The following TENM4 variants were observed in gnomAD, a reference collection of about 807,000 sequenced individuals.
TENM4 encodes the protein teneurin-4.
A neutral mutation model predicts 243.3 loss-of-function variants in TENM4; 82 were observed. The observed-to-expected ratio is 0.34, with a 90% CI of 0.28 to 0.40. The LOEUF (loss-of-function observed/expected upper bound fraction) is 0.40, where lower values mean the gene tolerates loss of function less well. TENM4 is among the 10% of genes least tolerant of loss of function. The pLI is 1.00. For missense variants in TENM4, 3,138 were observed against 3,673.3 expected, an observed-to-expected ratio of 0.85 and a Z score of 3.77; for synonymous variants, 1,412 against 1,456.3, an observed-to-expected ratio of 0.97 and a Z score of 0.69.
intron 11 of TENM4, among the ~76,000 whole-genome samples, chr11:78,855,208 ATCTG>A (rs956106291): frequency 6.6e-6 from 1 of 152,186 alleles, no homozygotes; most frequent in Non-Finnish European, 1.5e-5. Flanking sequence ...TAGCAAACAT[ATCTG>A]TCTTTTAGCT....
intron 6 of TENM4, among the ~76,000 whole-genome samples, chr11:79,033,138 A>G (rs948901033): frequency 3.9e-5 from 6 of 152,064 alleles, no homozygotes; most frequent in African/African-American, 1.4e-4. Flanking sequence ...CCTACTAGAT[A>G]TCTATGCAAA....
chr11:79,153,454 G>A (rs1388816068), intron 3 of TENM4, among the ~76,000 whole-genome samples: 1 of 152,074 alleles, frequency 6.6e-6, no homozygotes, highest in Non-Finnish European at 1.5e-5. Context: ...TGTCTGGGCA[G>A]AGGCAAGTCA....
intron 2 of TENM4, among the ~76,000 whole-genome samples, chr11:79,241,418 C>T (rs1864586823): frequency 1.3e-5 from 2 of 152,002 alleles, no homozygotes; most frequent in Admixed American, 1.3e-4. Flanking sequence ...GCCTGCATGG[C>T]TGGCTTTTAA....
chr11:79,304,804 C>A (rs187607892), intron 1 of TENM4, among the ~76,000 whole-genome samples: 1 of 152,314 alleles, frequency 6.6e-6, no homozygotes, highest in African/African-American at 2.4e-5. Flanking sequence ...GCTGCAGGTG[C>A]TCCCCAGCTG....
At chr11:79,278,757 A>C (rs922081866) in intron 2 of TENM4, among the ~76,000 whole-genome samples, 13 of 152,164 alleles carry the variant, frequency 8.5e-5, no homozygotes, top group African/African-American at 3.1e-4. Flanking sequence ...GAATTCTCAG[A>C]GCTTGCGGCT....
At chr11:78,667,246 A>T (rs982126392) in intron 32 of TENM4, among the ~76,000 whole-genome samples, 1 of 152,066 alleles carries the variant, frequency 6.6e-6, no homozygotes, top group Non-Finnish European at 1.5e-5. Context: ...TATGCTTGGG[A>T]TGCTATTCTC....
intron 28 of TENM4, among the ~76,000 whole-genome samples, chr11:78,688,758 C>A (rs1392366191): frequency 1.6e-5 from 2 of 122,450 alleles, no homozygotes; most frequent in African/African-American, 9.4e-5. Context: ...ATTCTGAATT[C>A]AAACCAGGAC....
At chr11:79,011,992 G>A (rs1402584666) in intron 6 of TENM4, among the ~76,000 whole-genome samples, 1 of 152,104 alleles carries the variant, frequency 6.6e-6, no homozygotes, top group Non-Finnish European at 1.5e-5. Context: ...GCATCTTTAT[G>A]TAAAAGTTGG....
intron 3 of TENM4, among the ~76,000 whole-genome samples, chr11:79,172,293 AG>A (rs1863062452): frequency 6.6e-6 from 1 of 152,112 alleles, no homozygotes; most frequent in South Asian, 2.1e-4. Flanking sequence ...GATGTAAACC[AG>A]GGCTGTCCTA....
At chr11:78,727,842 C>T (rs1480785841) in intron 22 of TENM4, among the ~76,000 whole-genome samples, 1 of 152,146 alleles carries the variant, frequency 6.6e-6, no homozygotes, top group Non-Finnish European at 1.5e-5. Context: ...TTCCAGTGGA[C>T]AATATTCTAC....
At chr11:78,817,145 G>C (rs1348693286) in intron 12 of TENM4, among the ~76,000 whole-genome samples, 1 of 152,164 alleles carries the variant, frequency 6.6e-6, no homozygotes, top group African/African-American at 2.4e-5. Context: ...CAGCTGGAAT[G>C]GGGCAAAATT....
At chr11:79,170,740 C>T (rs736392) in intron 3 of TENM4, among the ~76,000 whole-genome samples, 1 of 151,996 alleles carries the variant, frequency 6.6e-6, no homozygotes, top group Non-Finnish European at 1.5e-5. Flanking sequence ...CTGACACCTG[C>T]CTTTCAGACT....
intron 1 of TENM4, among the ~76,000 whole-genome samples, chr11:79,406,137 A>G (rs1027294290): frequency 6.6e-6 from 1 of 151,994 alleles, no homozygotes; most frequent in African/African-American, 2.4e-5. Context: ...TTCTCCCTAC[A>G]CTGTAGCACC....
At chr11:79,176,840 T>C (rs1476538858) in intron 3 of TENM4, among the ~76,000 whole-genome samples, 2 of 152,198 alleles carry the variant, frequency 1.3e-5, no homozygotes, top group South Asian at 2.1e-4. Context: ...GACCAAAGAA[T>C]GCATCTAACA....
At chr11:78,945,812 C>A (rs1260750911) in intron 6 of TENM4, among the ~76,000 whole-genome samples, 1 of 152,136 alleles carries the variant, frequency 6.6e-6, no homozygotes, top group Non-Finnish European at 1.5e-5. Context: ...AAGACCAAAC[C>A]AGCCACAACA....
chr11:79,076,422 C>G (rs1860537230), intron 4 of TENM4: 1 of 155,708 alleles, frequency 6.4e-6, no homozygotes, highest in African/African-American at 2.4e-5. Flanking sequence ...AGGTGAAAGG[C>G]ACATCTCACA....
At chr11:79,019,465 A>C (rs1041753055) in intron 6 of TENM4, among the ~76,000 whole-genome samples, 3 of 152,194 alleles carry the variant, frequency 2.0e-5, no homozygotes, top group African/African-American at 7.2e-5. Flanking sequence ...TCAACTAGCC[A>C]TAATAGCTGA....
chr11:79,065,676 G>A (rs886169137), intron 5 of TENM4, among the ~76,000 whole-genome samples: 1 of 152,164 alleles, frequency 6.6e-6, no homozygotes, highest in African/African-American at 2.4e-5. Flanking sequence ...CCTCACACCA[G>A]GAAAAAGGCT....
chr11:79,061,965 A>T (rs201769457), intron 6 of TENM4, among the ~76,000 whole-genome samples: 7 of 143,286 alleles, frequency 4.9e-5, no homozygotes, highest in East Asian at 4.1e-4. Flanking sequence ...GGTGGCAACT[A>T]TTTTTTTTTT....
Sources: gnomAD v4.1 joint callset for allele counts (sites outside exome capture counted in the v4.1 genomes callset) on GRCh38, gnomAD v4.1.1 for gene constraint, MANE v1.5 for transcripts, NCBI Gene and HGNC (gene_info 2026-07-23, HGNC 2026-07-21) for gene names.